Variants in C7orf78 observed in about 807,000 individuals in gnomAD.
C7orf78 encodes chromosome 7 open reading frame 78, also known as putative uncharacterized protein C7orf78.
At chr7:12,516,860 A>G in the C7orf78 span, among the ~76,000 whole-genome samples, 1 of 152,114 alleles carries the variant, frequency 6.6e-6, no homozygotes, top group Non-Finnish European at 1.5e-5. Context: ...CTGTACCCCC[A>G]TTGTATCAAG....
chr7:12,535,999 C>T, the C7orf78 span, among the ~76,000 whole-genome samples: 1 of 152,212 alleles, frequency 6.6e-6, no homozygotes, highest in East Asian at 1.9e-4. Flanking sequence ...TGTTAAGTGT[C>T]TATGGCTTTT....
At chr7:12,492,341 T>C in the C7orf78 span, among the ~76,000 whole-genome samples, 2 of 152,230 alleles carry the variant, frequency 1.3e-5, no homozygotes, top group African/African-American at 4.8e-5. Flanking sequence ...GCACCTGCTT[T>C]AAACAAGAAA....
chr7:12,525,858 A>G, the C7orf78 span: 1 of 397,228 alleles, frequency 2.5e-6, no homozygotes, highest in Non-Finnish European at 4.4e-6. Flanking sequence ...CAACTTATGA[A>G]AAGGACCCCT....
the C7orf78 span, among the ~76,000 whole-genome samples, chr7:12,533,138 C>T: frequency 1.7e-4 from 26 of 152,118 alleles, no homozygotes; most frequent in Non-Finnish European, 3.7e-4. Flanking sequence ...TAATTGGTGG[C>T]TCAACATAAA....
At chr7:12,508,399 A>G in the C7orf78 span, among the ~76,000 whole-genome samples, 2 of 82,958 alleles carry the variant, frequency 2.4e-5, no homozygotes, top group Non-Finnish European at 5.9e-5. Flanking sequence ...ATTTCATTGG[A>G]AAAAAAATCA....
chr7:12,509,908 C>T, the C7orf78 span, among the ~76,000 whole-genome samples: 1 of 151,838 alleles, frequency 6.6e-6, no homozygotes, highest in South Asian at 2.1e-4. Flanking sequence ...GTGGCGGGTG[C>T]CTGTAATCCC....
chr7:12,510,519 A>G, the C7orf78 span, among the ~76,000 whole-genome samples: 5 of 152,144 alleles, frequency 3.3e-5, no homozygotes, highest in African/African-American at 1.2e-4. Flanking sequence ...ACTAATTTAC[A>G]TTCTCACCAA....
chr7:12,524,379 C>A, the C7orf78 span, among the ~76,000 whole-genome samples: 1 of 152,126 alleles, frequency 6.6e-6, no homozygotes, highest in East Asian at 1.9e-4. Flanking sequence ...TAGTCAATAA[C>A]TCTCTTTACT....
At chr7:12,529,889 G>A in the C7orf78 span, among the ~76,000 whole-genome samples, 1 of 152,242 alleles carries the variant, frequency 6.6e-6, no homozygotes, top group Admixed American at 6.5e-5. Flanking sequence ...TGTGCTCCGC[G>A]CACAGCTCAG....
the C7orf78 span, among the ~76,000 whole-genome samples, chr7:12,488,913 GT>G: frequency 2.4e-4 from 34 of 143,424 alleles, no homozygotes; most frequent in Admixed American, 1.1e-3. Flanking sequence ...GGTTTGATTG[GT>G]TTTTTTTTTT....
chr7:12,484,023 T>A, the C7orf78 span: 2 of 152,290 alleles, frequency 1.3e-5, no homozygotes, highest in Admixed American at 6.5e-5. Flanking sequence ...AAGGTAAAGG[T>A]CGATCTTATG....
the C7orf78 span, chr7:12,525,899 G>A: frequency 2.5e-6 from 1 of 396,546 alleles, no homozygotes; most frequent in Admixed American, 4.4e-5. Flanking sequence ...CAACACTTAA[G>A]TACAGGTAAG....
the C7orf78 span, among the ~76,000 whole-genome samples, chr7:12,531,742 A>G: frequency 6.6e-6 from 1 of 152,144 alleles, no homozygotes; most frequent in Non-Finnish European, 1.5e-5. Flanking sequence ...TGTCTGGGGA[A>G]TTAACCATGG....
chr7:12,485,778 G>A, the C7orf78 span, among the ~76,000 whole-genome samples: 2 of 117,830 alleles, frequency 1.7e-5, no homozygotes, highest in Admixed American at 1.9e-4. Flanking sequence ...TTGAAACTAA[G>A]CTTTTCTCTA....
the C7orf78 span, among the ~76,000 whole-genome samples, chr7:12,522,087 A>G: frequency 1.3e-5 from 2 of 152,096 alleles, no homozygotes; most frequent in Admixed American, 6.6e-5. Flanking sequence ...CTTCACTTGC[A>G]ACTTTAGCAT....
the C7orf78 span, among the ~76,000 whole-genome samples, chr7:12,538,961 C>G: frequency 1.3e-5 from 2 of 152,192 alleles, no homozygotes; most frequent in South Asian, 4.1e-4. Flanking sequence ...CAGGTGGCCT[C>G]TGCAGTTCTG....
the C7orf78 span, among the ~76,000 whole-genome samples, chr7:12,536,330 C>G: frequency 1.3e-5 from 2 of 152,154 alleles, no homozygotes; most frequent in African/African-American, 4.8e-5. Context: ...GACTTGCACC[C>G]TCTGAAGCCA....
the C7orf78 span, among the ~76,000 whole-genome samples, chr7:12,492,947 A>T: frequency 6.6e-6 from 1 of 152,236 alleles, no homozygotes; most frequent in Non-Finnish European, 1.5e-5. Context: ...TCATGCCTAT[A>T]ATCCCAGCAC....
chr7:12,529,682 C>T, the C7orf78 span, among the ~76,000 whole-genome samples: 1 of 152,154 alleles, frequency 6.6e-6, no homozygotes, highest in South Asian at 2.1e-4. Context: ...CAGGACATCT[C>T]GAAGTTTGGA....
Sources: allele counts gnomAD v4.1 joint callset (sites outside exome capture counted in the v4.1 genomes callset), GRCh38; gene constraint gnomAD v4.1.1; transcripts MANE v1.5; gene names NCBI Gene and HGNC (gene_info 2026-07-23, HGNC 2026-07-21).